Variants in ABCC4 observed in about 807,000 individuals in gnomAD.
ABCC4 encodes ATP-binding cassette sub-family C member 4.
A neutral mutation model predicts 168.5 loss-of-function variants in ABCC4; 102 were observed. The observed-to-expected ratio is 0.61, with a 90% CI of 0.52 to 0.71. The LOEUF (loss-of-function observed/expected upper bound fraction) is 0.71, where lower values mean the gene tolerates loss of function less well. Among genes scored for constraint, ABCC4 ranks in the 30% least tolerant of loss-of-function variants. The pLI is 0.00. For missense variants in ABCC4, 1,402 were observed against 1,605.8 expected, an observed-to-expected ratio of 0.87 and a Z score of 2.17; for synonymous variants, 617 against 590.7, an observed-to-expected ratio of 1.04 and a Z score of -0.65.
At position 95,250,048 on chromosome 13, in the gene ABCC4, G is replaced by T. The variant is rs1184765156; in HGVS notation, c.75-2295C>A. On this transcript the variant is annotated intron_variant, in intron 1 of 30. Transcript: ENST00000645237. ...AGATCTCAAAAAGCTGGGCTGAAAA[G>T]ATGTGGGTACCAGCAAGAGCTAAAG... 5.9e-5 allele frequency among the ~76,000 whole-genome samples: 9 copies of T among 152,338 alleles called. No individual in the cohort carries two copies. In the East Asian group the frequency reaches 1.7e-3, roughly 29 times the overall value.
intron 16 of ABCC4, among the ~76,000 whole-genome samples, chr13:95,164,054 A>AAAAAAAAGAAAGAAAGAAAG (rs59935866): frequency 7.2e-6 from 1 of 139,014 alleles, no homozygotes; most frequent in Non-Finnish European, 1.5e-5. Flanking sequence ...AAAAAAAAAA[A>AAAAAAAAGAAAGAAAGAAAG]AAAGAAAGAA....
chr13:95,180,643 C>G (rs1222437107), intron 11 of ABCC4, among the ~76,000 whole-genome samples: 1 of 151,974 alleles, frequency 6.6e-6, no homozygotes, highest in East Asian at 1.9e-4. Flanking sequence ...AGGGTCCCAG[C>G]CTTCCACACA....
At chr13:95,250,948 T>C (rs2040240560) in intron 1 of ABCC4, among the ~76,000 whole-genome samples, 1 of 151,986 alleles carries the variant, frequency 6.6e-6, no homozygotes, top group Non-Finnish European at 1.5e-5. Flanking sequence ...CCACTGTGCC[T>C]GGCTAATATT....
intron 1 of ABCC4, among the ~76,000 whole-genome samples, chr13:95,255,977 C>G (rs985784085): frequency 3.3e-5 from 5 of 152,152 alleles, no homozygotes; most frequent in Non-Finnish European, 7.3e-5. Flanking sequence ...ACAACCAGTA[C>G]CAAGCATCTA....
intron 19 of ABCC4, among the ~76,000 whole-genome samples, chr13:95,146,264 T>C (rs1006466781): frequency 2.0e-5 from 3 of 150,588 alleles, no homozygotes; most frequent in African/African-American, 7.3e-5. Context: ...TACTTTATGG[T>C]AGGAGGAGGG....
At chr13:95,057,694 A>G (rs1197660683) in intron 26 of ABCC4, among the ~76,000 whole-genome samples, 1 of 152,258 alleles carries the variant, frequency 6.6e-6, no homozygotes, top group Non-Finnish European at 1.5e-5. Flanking sequence ...ACCCTGAACC[A>G]TAAATGAAAG....
At chr13:95,235,644 A>G (rs898581249) in intron 3 of ABCC4, among the ~76,000 whole-genome samples, 8 of 152,152 alleles carry the variant, frequency 5.3e-5, no homozygotes, top group Non-Finnish European at 1.5e-5. Flanking sequence ...CAAACTCTCC[A>G]ATTTTTCCCA....
intron 20 of ABCC4, among the ~76,000 whole-genome samples, chr13:95,100,432 T>G (rs1201156591): frequency 1.3e-5 from 2 of 152,180 alleles, no homozygotes; most frequent in African/African-American, 2.4e-5. Context: ...GCTTTCTACA[T>G]GTGCTATCAC....
Position 95,145,056 on chromosome 13 carries a change from C to G in ABCC4, c.2455+16133G>C, listed in dbSNP as rs1297288916. Reference sequence around the variant, plus strand: ...GCATATGAAAAAAAGCTCAACATCACTAAACATCAGAGAAATGCAAATCAA... The same window carrying G: ...GCATATGAAAAAAAGCTCAACATCAGTAAACATCAGAGAAATGCAAATCAA... On this transcript the variant is annotated intron_variant, in intron 19 of 30. Coordinates refer to ENST00000645237, the MANE Select transcript of ABCC4 (RefSeq NM_005845.5). 2.0e-5 allele frequency among the ~76,000 whole-genome samples: 3 copies of G among 152,072 alleles called. No individual in the cohort carries two copies. The East Asian group carries it at 5.8e-4, about 29-fold the overall frequency.
intron 20 of ABCC4, among the ~76,000 whole-genome samples, chr13:95,098,113 G>A (rs1335411636): frequency 7.0e-6 from 1 of 142,768 alleles, no homozygotes; most frequent in African/African-American, 2.7e-5. Context: ...TCCAGCCTGG[G>A]CGACAGAGTG....
rs527691677 is a variant in ABCC4, at chr13:95,153,364, A to G, written c.2455+7825T>C. 9.2e-5 allele frequency among the ~76,000 whole-genome samples: 14 copies of G among 152,336 alleles called. No homozygotes were observed. In the South Asian group the frequency reaches 2.9e-3, roughly 32 times the overall value. ...AAGTTAGCTAGTTCCAAGTTAGCCG[A>G]AGATAAAGATAAAGACAACACATAT... On this transcript the variant is annotated intron_variant, in intron 19 of 30. Transcript: ENST00000645237.
intron 19 of ABCC4, among the ~76,000 whole-genome samples, chr13:95,136,332 T>C (rs116250374): frequency 0.016 from 2,428 of 152,138 alleles, 64 homozygotes; most frequent in African/African-American, 0.053. Context: ...TTTTTGTACT[T>C]TTTGAAGAGA....
intron 20 of ABCC4, among the ~76,000 whole-genome samples, chr13:95,101,477 C>G (rs1317135593): frequency 6.6e-6 from 1 of 151,992 alleles, no homozygotes; most frequent in Non-Finnish European, 1.5e-5. Flanking sequence ...TCGGAGCACT[C>G]CCAAATTTAA....
chr13:95,254,596 G>A (rs1362891943), intron 1 of ABCC4, among the ~76,000 whole-genome samples: 1 of 152,132 alleles, frequency 6.6e-6, no homozygotes, highest in Non-Finnish European at 1.5e-5. Flanking sequence ...ATTTTCCAAA[G>A]AAAAGAAAAC....
intron 13 of ABCC4, among the ~76,000 whole-genome samples, chr13:95,171,805 A>C (rs2037486571): frequency 6.6e-6 from 1 of 152,176 alleles, no homozygotes; most frequent in Non-Finnish European, 1.5e-5. Flanking sequence ...CTTTACGTCC[A>C]AAAGGATTAT....
intron 18 of ABCC4, among the ~76,000 whole-genome samples, 157 bp from the exon 19 acceptor site, chr13:95,161,492 G>C (rs1309568386): frequency 6.6e-6 from 1 of 152,134 alleles, no homozygotes; most frequent in East Asian, 1.9e-4. Flanking sequence ...AAAATACATT[G>C]ACAAAGAAGG....
intron 1 of ABCC4, among the ~76,000 whole-genome samples, chr13:95,256,442 G>C (rs1476211575): frequency 6.6e-6 from 1 of 152,218 alleles, no homozygotes; most frequent in African/African-American, 2.4e-5. Flanking sequence ...ATCAGTGTAT[G>C]ATGTTGACTA....
chr13:95,218,943 A>AAGAC lies in ABCC4; in HGVS notation c.532-8163_532-8162insGTCT. On this transcript the variant is annotated intron_variant, in intron 4 of 30. Coordinates refer to ENST00000645237, the MANE Select transcript of ABCC4 (RefSeq NM_005845.5). ...AGAAAGAAAGAGAAAGAAAGAAAGA[A>AAGAC]AGAAAGAAAGAAAGAAAGAAAGAAA... is the stretch of plus-strand genomic sequence containing the variant. 9.2e-5 allele frequency among the ~76,000 whole-genome samples: 3 copies of AAGAC among 32,536 alleles called. No homozygotes were observed. In the South Asian group the frequency reaches 1.7e-3, roughly 19 times the overall value. The allele number at this position is 32,536 out of a possible 152,430, so 21.3% of individuals were successfully genotyped here. A position where few individuals can be genotyped will look rare whatever the true frequency, so the allele number is the denominator to read the frequency against.
chr13:95,220,527 T>C (rs998985958), intron 4 of ABCC4, among the ~76,000 whole-genome samples: 2 of 78,434 alleles, frequency 2.5e-5, no homozygotes, highest in Admixed American at 1.3e-4. Context: ...TGAAGAGATT[T>C]GTGCAGCAGG....
Sources: allele counts gnomAD v4.1 joint callset (sites outside exome capture counted in the v4.1 genomes callset), GRCh38; gene constraint gnomAD v4.1.1; transcripts MANE v1.5; gene names NCBI Gene and HGNC (gene_info 2026-07-23, HGNC 2026-07-21).